The following FGF14 variants were observed in gnomAD, a reference collection of about 807,000 sequenced individuals.
The protein encoded by FGF14 is fibroblast growth factor homologous factor 4.
Under a neutral mutation model 25.5 loss-of-function variants are expected in FGF14, and 5 were observed. The observed-to-expected ratio is 0.20, with a 90% confidence interval of 0.10 to 0.41. The LOEUF is 0.41. Ranked by LOEUF, FGF14 falls within the 10% of genes least tolerant of loss-of-function variation. The pLI is 1.00. For synonymous variants in FGF14, 138 were observed against 118.3 expected, an observed-to-expected ratio of 1.17 and a Z score of -1.08; for missense variants, 222 against 320.1, an observed-to-expected ratio of 0.69 and a Z score of 2.34.
Position 102,313,505 on chromosome 13 carries a change from G to A in FGF14, c.208+87966C>T, listed in dbSNP as rs374416702. On this transcript the variant is annotated intron_variant, in intron 1 of 4. Transcript: ENST00000376131. ...AAACAGTCCCGATTTTACAGGAAATGGTGAGAAAGTGAAAGTCAAAATTGT... is the reference window on the plus strand; with the variant it reads ...AAACAGTCCCGATTTTACAGGAAATAGTGAGAAAGTGAAAGTCAAAATTGT... 1.7e-3 allele frequency among the ~76,000 whole-genome samples: 252 copies of A among 152,196 alleles called. 2 individuals carry two copies. The highest frequency in any genetic ancestry group is 5.6e-3 in the African/African-American group (232 of 41,540).
intron 3 of FGF14, among the ~76,000 whole-genome samples, chr13:101,762,201 A>G (rs2038074396): frequency 6.6e-6 from 1 of 152,224 alleles, no homozygotes; most frequent in African/African-American, 2.4e-5. Context: ...ATGTGTGCCT[A>G]TGTGAAAGAG....
intron 1 of FGF14, among the ~76,000 whole-genome samples, chr13:102,385,102 A>G (rs1295741288): frequency 2.0e-5 from 3 of 152,332 alleles, no homozygotes; most frequent in Non-Finnish European, 4.4e-5. Context: ...CAATGACCAT[A>G]TGGAGACAGC....
At chr13:102,059,870 C>CAA (rs1291466473) in intron 1 of FGF14, among the ~76,000 whole-genome samples, 3 of 139,754 alleles carry the variant, frequency 2.1e-5, no homozygotes, top group African/African-American at 7.9e-5. Context: ...AAAACAAAAA[C>CAA]AAAAAAAAAA....
rs186969321 is a variant in FGF14 at position 102,030,901 on chromosome 13, G to T, written c.209-155605C>A. 3.0e-4 allele frequency among the ~76,000 whole-genome samples: 46 copies of T among 152,124 alleles called. 1 individual carries two copies. The East Asian group carries it at 8.3e-3, about 28-fold the overall frequency. On this transcript the variant is annotated intron_variant, in intron 1 of 4. Coordinates refer to the FGF14 transcript ENST00000376131. ...GTATGAATTTCAATGAAATCATGTT[G>T]TACTTCTGATCTTACAGGGAAATAT...
At chr13:101,914,069 CT>C (rs935761557) in intron 1 of FGF14, among the ~76,000 whole-genome samples, 39 of 151,990 alleles carry the variant, frequency 2.6e-4, no homozygotes, top group African/African-American at 7.7e-4. Context: ...AACCATCAGA[CT>C]TAAAGGTTGT....
At chr13:102,255,558 A>G (rs2052396768) in intron 1 of FGF14, among the ~76,000 whole-genome samples, 2 of 152,220 alleles carry the variant, frequency 1.3e-5, no homozygotes, top group Admixed American at 6.5e-5. Flanking sequence ...AGGCAGAGAT[A>G]CAGTCAGAAA....
rs149434417 is a variant in FGF14 at position 101,753,137 on chromosome 13, G to A, written c.409-26327C>T. Among the ~76,000 whole-genome samples the A allele has an allele frequency of 2.0e-3, 307 of 152,138 alleles. 1 individual carries two copies. Among genetic ancestry groups the A allele is most frequent in the African/African-American group, 7.2e-3 (298 of 41,508 alleles). ...GATGAAGGAATTCTTTTGGAATTAA[G>A]GTAAATTTATCTTTCTCTTGCAACA... On this transcript the variant is annotated intron_variant, in intron 3 of 4. Coordinates refer to ENST00000376143, the MANE Select transcript of FGF14 (RefSeq NM_004115.4).
At chr13:101,756,942 T>C (rs975090638) in intron 3 of FGF14, among the ~76,000 whole-genome samples, 5 of 152,240 alleles carry the variant, frequency 3.3e-5, no homozygotes, top group African/African-American at 1.2e-4. Flanking sequence ...CTTGTATTCA[T>C]AGTGTTGCAA....
chr13:102,186,374 G>T (rs2048875045), intron 1 of FGF14, among the ~76,000 whole-genome samples: 1 of 152,040 alleles, frequency 6.6e-6, no homozygotes, highest in South Asian at 2.1e-4. Flanking sequence ...TGCCAATGTT[G>T]ACAACTTATT....
intron 1 of FGF14, among the ~76,000 whole-genome samples, chr13:101,978,223 A>G (rs916426645): frequency 6.6e-6 from 1 of 152,244 alleles, no homozygotes; most frequent in East Asian, 1.9e-4. Flanking sequence ...GCATTTTCAA[A>G]GCAAAATTTC....
At chr13:102,012,370 C>T (rs7335187) in intron 1 of FGF14, among the ~76,000 whole-genome samples, 1,605 of 152,248 alleles carry the variant, frequency 0.011, 21 homozygotes, top group African/African-American at 0.036. Flanking sequence ...CAAGTAGTTA[C>T]TCTCTGGTAA....
At chr13:102,313,212 C>T (rs767320868) in intron 1 of FGF14, among the ~76,000 whole-genome samples, 1 of 152,212 alleles carries the variant, frequency 6.6e-6, no homozygotes, top group Non-Finnish European at 1.5e-5. Context: ...CAGGGCACTG[C>T]TCCTGGAAGG....
At chr13:101,834,467 CATTAA>C (rs2140293987) in intron 3 of FGF14, among the ~76,000 whole-genome samples, 1 of 152,150 alleles carries the variant, frequency 6.6e-6, no homozygotes, top group East Asian at 1.9e-4. Context: ...TCAGCAGTTT[CATTAA>C]ATTCAGTCAA....
chr13:102,197,807 GATC>G (rs1229679507), intron 1 of FGF14, among the ~76,000 whole-genome samples: 1 of 152,104 alleles, frequency 6.6e-6, no homozygotes, highest in Non-Finnish European at 1.5e-5. Flanking sequence ...AATAGTTTTA[GATC>G]ATTACAAAAT....
intron 1 of FGF14, among the ~76,000 whole-genome samples, chr13:102,388,010 G>A (rs1315442231): frequency 1.3e-5 from 2 of 152,182 alleles, no homozygotes; most frequent in Admixed American, 6.5e-5. Flanking sequence ...TTACAGGCAC[G>A]AGCCACCGTG....
chr13:101,772,551 T>C (rs2038846027), intron 3 of FGF14, among the ~76,000 whole-genome samples: 1 of 152,126 alleles, frequency 6.6e-6, no homozygotes, highest in Admixed American at 6.6e-5. Context: ...TCTAGTTAAA[T>C]GTGGGCGAAA....
chr13:102,149,177 CATT>C (rs2046976100), intron 1 of FGF14, among the ~76,000 whole-genome samples: 1 of 151,536 alleles, frequency 6.6e-6, no homozygotes, highest in South Asian at 2.1e-4. Context: ...AAAATAATAT[CATT>C]ATTTTAAAAT....
chr13:101,884,465 G>A (rs1215182057), intron 1 of FGF14, among the ~76,000 whole-genome samples: 1 of 152,156 alleles, frequency 6.6e-6, no homozygotes, highest in Non-Finnish European at 1.5e-5. Flanking sequence ...GTGACACCAA[G>A]ATGGAACATA....
chr13:101,871,984 A>G (rs1395963561), intron 2 of FGF14, among the ~76,000 whole-genome samples: 2 of 151,950 alleles, frequency 1.3e-5, no homozygotes, highest in Non-Finnish European at 2.9e-5. Flanking sequence ...TTTGCCTACC[A>G]GTGGGCCTTT....
Sources: gnomAD v4.1 joint callset for allele counts (sites outside exome capture counted in the v4.1 genomes callset) on GRCh38, gnomAD v4.1.1 for gene constraint, MANE v1.5 for transcripts, NCBI Gene and HGNC (gene_info 2026-07-23, HGNC 2026-07-21) for gene names.